Variants in PPP2R2B observed in about 807,000 individuals in gnomAD.
The protein encoded by PPP2R2B is serine/threonine-protein phosphatase 2A 55 kDa regulatory subunit B beta isoform.
PPP2R2B carries 5 observed loss-of-function variants against 46.0 expected under a neutral mutation model. The ratio of observed to expected loss-of-function variants is 0.11; its 90% confidence interval spans 0.06 to 0.23. PPP2R2B has a LOEUF of 0.23. PPP2R2B is among the 10% of genes least tolerant of loss of function. PPP2R2B has a pLI of 1.00. For missense variants in PPP2R2B, 367 were observed against 575.0 expected (o/e 0.64, Z 3.70); for synonymous variants, 215 against 206.7 (o/e 1.04, Z -0.34).
chr5:146,723,765 C>T (rs1581956125), intron 2 of PPP2R2B, among the ~76,000 whole-genome samples: 1 of 152,212 alleles, frequency 6.6e-6, no homozygotes, highest in African/African-American at 2.4e-5. Context: ...TCACTCATTC[C>T]CATCTCTGTG....
intron 1 of PPP2R2B, among the ~76,000 whole-genome samples, chr5:147,030,207 G>A (rs1034853948): frequency 1.3e-5 from 2 of 152,032 alleles, no homozygotes; most frequent in African/African-American, 4.8e-5. Flanking sequence ...TTGACCCTCT[G>A]TACTTAGATT....
chr5:146,808,604 G>A (rs1425021805), intron 2 of PPP2R2B, among the ~76,000 whole-genome samples: 6 of 152,192 alleles, frequency 3.9e-5, no homozygotes, highest in Non-Finnish European at 7.3e-5. Context: ...CAAGTTCAAA[G>A]ACAGCATCCT....
chr5:146,613,899 C>T (rs1159496253), intron 7 of PPP2R2B, among the ~76,000 whole-genome samples: 10 of 135,464 alleles, frequency 7.4e-5, no homozygotes, highest in East Asian at 4.9e-4. Flanking sequence ...TAGGAAGAAT[C>T]GATATCGTGA....
intron 2 of PPP2R2B, among the ~76,000 whole-genome samples, chr5:147,063,410 C>A (rs556447235): frequency 2.6e-4 from 39 of 152,174 alleles, no homozygotes; most frequent in Middle Eastern, 3.4e-3. Context: ...ATATATAAAG[C>A]AGATTTCAGT....
intron 2 of PPP2R2B, among the ~76,000 whole-genome samples, chr5:147,071,379 C>A (rs1480129600): frequency 2.0e-5 from 3 of 152,150 alleles, no homozygotes; most frequent in African/African-American, 7.2e-5. Context: ...CTAGAAAGAG[C>A]GTTTTTCAAC....
At chr5:147,012,337 T>A (rs1754778714) in intron 1 of PPP2R2B, among the ~76,000 whole-genome samples, 1 of 152,076 alleles carries the variant, frequency 6.6e-6, no homozygotes, top group Admixed American at 6.6e-5. Flanking sequence ...ATTTATCCAT[T>A]TCTTCTAGAT....
chr5:147,032,204 AAAAC>A (rs1236704307), intron 1 of PPP2R2B, among the ~76,000 whole-genome samples: 1 of 152,198 alleles, frequency 6.6e-6, no homozygotes, highest in African/African-American at 2.4e-5. Context: ...CAGTAAGAAA[AAAAC>A]AAACAATCCC....
rs1439380891 is a variant in PPP2R2B, at chr5:147,026,960, T to C, written c.79+28705A>G. ...TATTTACTCAGAGGCAATCAAAGCA[T>C]GTGTTCTCAAAAAGCTTTCTAAAAC... On this transcript the variant is annotated intron_variant, in intron 1 of 8. Transcript: ENST00000336640. 1.3e-5 allele frequency among the ~76,000 whole-genome samples: 2 copies of C among 152,196 alleles called. 1 individual carries two copies. The highest frequency in any genetic ancestry group is 4.8e-5 in the African/African-American group (2 of 41,456).
intron 2 of PPP2R2B, chr5:146,706,991 C>A: frequency 1.0e-6 from 1 of 985,842 alleles, no homozygotes; most frequent in Non-Finnish European, 1.6e-6. Context: ...TCCAGCTCTA[C>A]CTCGTTAATG....
chr5:147,062,427 T>G (rs1039785727), intron 2 of PPP2R2B, among the ~76,000 whole-genome samples: 108 of 152,338 alleles, frequency 7.1e-4, no homozygotes, highest in African/African-American at 2.5e-3. Context: ...ACTGAGTAGG[T>G]TCCAGTTACT....
At chr5:146,820,473 G>C (rs924172416) in intron 2 of PPP2R2B, among the ~76,000 whole-genome samples, 1 of 152,216 alleles carries the variant, frequency 6.6e-6, no homozygotes, top group East Asian at 1.9e-4. Flanking sequence ...TAGTTTCCCA[G>C]GGGCAGAAAA....
intron 2 of PPP2R2B, among the ~76,000 whole-genome samples, chr5:146,843,944 A>G (rs1561952317): frequency 6.6e-6 from 1 of 151,948 alleles, no homozygotes; most frequent in Non-Finnish European, 1.5e-5. Flanking sequence ...AGCATGATTT[A>G]TAGTCCTTTG....
At chr5:146,602,506 A>G (rs962543776) in intron 7 of PPP2R2B, among the ~76,000 whole-genome samples, 1 of 152,218 alleles carries the variant, frequency 6.6e-6, no homozygotes, top group Non-Finnish European at 1.5e-5. Context: ...AAGGGTTTAT[A>G]TCACAATTTT....
chr5:146,608,222 C>A (rs1424794237), intron 7 of PPP2R2B, among the ~76,000 whole-genome samples: 1 of 151,988 alleles, frequency 6.6e-6, no homozygotes, highest in Non-Finnish European at 1.5e-5. Context: ...ACAGTGGGCC[C>A]CTAGGACTGG....
intron 5 of PPP2R2B, among the ~76,000 whole-genome samples, chr5:146,676,001 T>A (rs1581848061): frequency 6.6e-6 from 1 of 152,022 alleles, no homozygotes; most frequent in Non-Finnish European, 1.5e-5. Context: ...TCCAAACAAT[T>A]CAATCACTCA....
At chr5:146,646,433 A>C (rs1314246761) in intron 6 of PPP2R2B, among the ~76,000 whole-genome samples, 1 of 152,232 alleles carries the variant, frequency 6.6e-6, no homozygotes, top group African/African-American at 2.4e-5. Context: ...GAGTTGTTAT[A>C]GTCCTGATGT....
At chr5:146,689,237 A>T (rs903888014) in intron 5 of PPP2R2B, among the ~76,000 whole-genome samples, 2 of 152,154 alleles carry the variant, frequency 1.3e-5, no homozygotes, top group African/African-American at 2.4e-5. Context: ...GAATCCTCAC[A>T]ACAATTCCAG....
intron 2 of PPP2R2B, among the ~76,000 whole-genome samples, chr5:146,812,558 A>AGT (rs1313171699): frequency 7.9e-4 from 3 of 3,796 alleles, no homozygotes; most frequent in African/African-American, 3.2e-3. Context: ...TCCTCAGAAG[A>AGT]GTATATATAT....
At chr5:146,822,541 T>G (rs1049978067) in intron 2 of PPP2R2B, among the ~76,000 whole-genome samples, 7 of 151,842 alleles carry the variant, frequency 4.6e-5, no homozygotes, top group Non-Finnish European at 1.5e-5. Flanking sequence ...TTTGGTTTTT[T>G]TTTTTTTTTT....
Sources: gnomAD v4.1 joint callset for allele counts (sites outside exome capture counted in the v4.1 genomes callset) on GRCh38, gnomAD v4.1.1 for gene constraint, MANE v1.5 for transcripts, NCBI Gene and HGNC (gene_info 2026-07-23, HGNC 2026-07-21) for gene names.